Variants in PTPRT observed in about 807,000 individuals in gnomAD.
The protein encoded by PTPRT is protein tyrosine phosphatase receptor type T, also known as receptor-type tyrosine-protein phosphatase T.
In PTPRT, 56 loss-of-function variants were observed where a neutral mutation model predicts 176.8. The ratio of observed to expected loss-of-function variants is 0.32; its 90% CI spans 0.26 to 0.40. The LOEUF is 0.40. Ranked by LOEUF, PTPRT falls within the 10% of genes least tolerant of loss-of-function variation. The pLI is 1.00. For synonymous variants in PTPRT, 783 were observed against 739.0 expected (o/e 1.06, Z -0.96); for missense variants, 1,540 against 1,908.2 (o/e 0.81, Z 3.60).
chr20:42,060,397 G>C, the PTPRT span, among the ~76,000 whole-genome samples: 1 of 152,118 alleles, frequency 6.6e-6, no homozygotes, highest in South Asian at 2.1e-4. Context: ...TGCTTGCCTT[G>C]CCTCTCCACA....
intron 1 of PTPRT, among the ~76,000 whole-genome samples, chr20:43,034,319 T>C (rs1986283998): frequency 6.6e-6 from 1 of 152,050 alleles, no homozygotes; most frequent in African/African-American, 2.4e-5. Context: ...TGATGCATCT[T>C]GTAGAGGCAG....
intron 7 of PTPRT, among the ~76,000 whole-genome samples, chr20:42,513,775 C>A (rs1041524133): frequency 6.6e-6 from 1 of 152,116 alleles, no homozygotes; most frequent in Non-Finnish European, 1.5e-5. Flanking sequence ...CCAAGAAACA[C>A]CCATTTTTCT....
At chr20:42,482,374 C>T (rs2071402407) in intron 7 of PTPRT, among the ~76,000 whole-genome samples, 1 of 152,134 alleles carries the variant, frequency 6.6e-6, no homozygotes, top group Non-Finnish European at 1.5e-5. Flanking sequence ...CTCCTACCAT[C>T]CCTAAGAAGA....
chr20:42,162,555 C>T (rs923609378), intron 16 of PTPRT, among the ~76,000 whole-genome samples: 2 of 152,306 alleles, frequency 1.3e-5, no homozygotes, highest in South Asian at 4.2e-4. Flanking sequence ...ACCATCTAGG[C>T]TTGGTCTTCC....
rs535314320 is a variant in PTPRT, at chr20:43,015,559, G to C, written c.89-129627C>G. On this transcript the variant is annotated intron_variant, in intron 1 of 30. Transcript: ENST00000373187. ...CACTTGGGAACGGGGATGGATATTG[G>C]GATGGGCATGAACATACACACACAT... 4.8e-3 allele frequency among the ~76,000 whole-genome samples: 724 copies of C among 152,286 alleles called. 9 individuals carry two copies. The highest frequency in any genetic ancestry group is 0.017 in the African/African-American group (695 of 41,566).
At chr20:42,247,856 A>C (rs2056482072) in intron 14 of PTPRT, among the ~76,000 whole-genome samples, 1 of 152,188 alleles carries the variant, frequency 6.6e-6, no homozygotes, top group Admixed American at 6.5e-5. Flanking sequence ...TGTTTAGAGG[A>C]ATAACCAGTG....
chr20:42,921,622 T>C (rs1979149166), intron 1 of PTPRT, among the ~76,000 whole-genome samples: 1 of 152,176 alleles, frequency 6.6e-6, no homozygotes, highest in Admixed American at 6.5e-5. Context: ...TAAAATCTAA[T>C]TTAGACATCT....
chr20:42,449,721 T>C (rs2070793404), intron 8 of PTPRT, among the ~76,000 whole-genome samples: 1 of 152,196 alleles, frequency 6.6e-6, no homozygotes, highest in Non-Finnish European at 1.5e-5. Flanking sequence ...ACGCTACGCC[T>C]CTCTACATAT....
chr20:42,593,647 A>T (rs1306569069), intron 7 of PTPRT, among the ~76,000 whole-genome samples: 2 of 152,196 alleles, frequency 1.3e-5, no homozygotes, highest in Admixed American at 6.5e-5. Flanking sequence ...TCACATTAAG[A>T]TTAATAATGA....
intron 1 of PTPRT, among the ~76,000 whole-genome samples, chr20:43,101,157 A>T (rs1321120418): frequency 6.6e-6 from 1 of 152,196 alleles, no homozygotes; most frequent in Non-Finnish European, 1.5e-5. Context: ...TCTGAAGCAT[A>T]CAAAGATAAG....
At chr20:42,389,124 C>T (rs554029251) in intron 9 of PTPRT, among the ~76,000 whole-genome samples, 62 of 106,156 alleles carry the variant, frequency 5.8e-4, no homozygotes, top group African/African-American at 2.2e-3. Context: ...TGGGGCCTGT[C>T]GTGGGGTGAG....
chr20:42,053,077 C>G, the PTPRT span, among the ~76,000 whole-genome samples: 1 of 152,118 alleles, frequency 6.6e-6, no homozygotes, highest in Non-Finnish European at 1.5e-5. Flanking sequence ...AAGTGGCACG[C>G]TGGGTGTGGC....
intron 13 of PTPRT, among the ~76,000 whole-genome samples, chr20:42,249,963 C>G (rs2056522375): frequency 6.6e-6 from 1 of 152,164 alleles, no homozygotes; most frequent in Non-Finnish European, 1.5e-5. Flanking sequence ...GCTTAAAGTC[C>G]AAACCATCCT....
chr20:42,690,722 TGTA>T (rs1344717704), intron 6 of PTPRT, among the ~76,000 whole-genome samples: 20 of 152,306 alleles, frequency 1.3e-4, no homozygotes, highest in African/African-American at 4.6e-4. Context: ...GGAAGTGAGG[TGTA>T]CTGGAAAGTA....
At chr20:43,019,975 A>G (rs1001571432) in intron 1 of PTPRT, among the ~76,000 whole-genome samples, 2 of 151,922 alleles carry the variant, frequency 1.3e-5, no homozygotes, top group African/African-American at 4.8e-5. Flanking sequence ...TGAGGCCTTC[A>G]GACGTGGACC....
intron 7 of PTPRT, among the ~76,000 whole-genome samples, chr20:42,488,325 G>T (rs2071498186): frequency 6.6e-6 from 1 of 152,156 alleles, no homozygotes. Flanking sequence ...CTGTCAGATT[G>T]CTTTCAGAAC....
rs117058850 is a variant in PTPRT, at chr20:42,540,175, A to G, written c.1154-67613T>C. Among the ~76,000 whole-genome samples the G allele has an allele frequency of 1.7e-3, 265 of 152,338 alleles. 6 individuals are homozygous for G. The East Asian group carries it at 0.045, about 26-fold the overall frequency. ...TTGGACAGGGAATTGGGAAAAATTC[A>G]TACTTAGGAATCAGAATGGCTTTAG... On this transcript the variant is annotated intron_variant, in intron 7 of 30. Coordinates refer to ENST00000373187, the MANE Select transcript of PTPRT (RefSeq NM_007050.6).
At chr20:42,845,407 A>G (rs940393555) in intron 2 of PTPRT, among the ~76,000 whole-genome samples, 14 of 152,286 alleles carry the variant, frequency 9.2e-5, no homozygotes, top group Non-Finnish European at 1.3e-4. Context: ...CCTGTTTCTC[A>G]TCCTAAATCA....
intron 1 of PTPRT, among the ~76,000 whole-genome samples, chr20:43,139,850 T>C (rs2013947950): frequency 6.6e-6 from 1 of 152,184 alleles, no homozygotes; most frequent in African/African-American, 2.4e-5. Context: ...CTGGGCCTCA[T>C]TGCAGAATGA....
Sources: gnomAD v4.1 joint callset for allele counts (sites outside exome capture counted in the v4.1 genomes callset) on GRCh38, gnomAD v4.1.1 for gene constraint, MANE v1.5 for transcripts, NCBI Gene and HGNC (gene_info 2026-07-23, HGNC 2026-07-21) for gene names.